Variants in SOS1 observed in about 807,000 individuals in gnomAD.
The protein encoded by SOS1 is son of sevenless homolog 1.
A neutral mutation model predicts 157.6 loss-of-function variants in SOS1; 25 were observed. The observed-to-expected ratio is 0.16, with a 90% CI of 0.12 to 0.22. SOS1 has a LOEUF of 0.22. Ranked by LOEUF, SOS1 falls within the 10% of genes least tolerant of loss-of-function variation. SOS1 has a pLI of 1.00. For missense variants in SOS1, 1,237 were observed against 1,599.1 expected, an observed-to-expected ratio of 0.77 and a Z score of 3.86; for synonymous variants, 528 against 534.0, an observed-to-expected ratio of 0.99 and a Z score of 0.16.
intron 6 of SOS1, among the ~76,000 whole-genome samples, chr2:39,045,377 C>G (rs934031214): frequency 6.6e-6 from 1 of 151,234 alleles, no homozygotes; most frequent in Non-Finnish European, 1.5e-5. Context: ...TGATGGAGAC[C>G]TGTTAAAATT....
Position 39,022,709 on chromosome 2 carries a change from A to C in SOS1, c.1719T>G (p.Asp573Glu). 8 of 1,613,724 alleles carry C rather than the reference A, an allele frequency of 5.0e-6. No homozygotes were observed. Among genetic ancestry groups the C allele is most frequent in the Non-Finnish European group, 6.8e-6 (8 of 1,179,706 alleles). ...AGTCAGGCTCTGCAAATCTATAAACATCAGCACTAGGCAGCCTCATCTGCT... is the reference window on the plus strand; with the variant it reads ...AGTCAGGCTCTGCAAATCTATAAACCTCAGCACTAGGCAGCCTCATCTGCT... ...KEEQMRLPSA[D>E]VYRFAEPDSE... Residue 573 changes from aspartate (D) to glutamate (E), a missense_variant, in exon 10 of 23, where the codon GAT (aspartate) becomes GAG (glutamate). Coordinates refer to ENST00000402219, the MANE Select transcript of SOS1 (RefSeq NM_005633.4).
rs781204774 is a variant in SOS1 at position 39,120,323 on chromosome 2, G to A, written c.87+13C>T. On this transcript the variant is annotated intron_variant, in intron 1 of 22. Coordinates refer to ENST00000402219, the MANE Select transcript of SOS1 (RefSeq NM_005633.4). ...GGCTGCGGCCGGGAAGCGGGGTCCC[G>A]CGTGCTCCTCACCTTTTTCAGCGCA... The A allele has an allele frequency of 6.4e-7, 1 of 1,568,112 alleles. No individual in the cohort carries two copies. The highest frequency in any genetic ancestry group is 8.6e-7 in the Non-Finnish European group (1 of 1,157,422).
At chr2:39,040,259 C>T (rs946559317) in intron 6 of SOS1, among the ~76,000 whole-genome samples, 8 of 152,000 alleles carry the variant, frequency 5.3e-5, no homozygotes, top group African/African-American at 1.9e-4. Context: ...CCTTGTGATC[C>T]GCCCGCCTTG....
In SOS1 at chr2:38,982,406, TGA is replaced by T. The variant is rs200892895; in HGVS notation, c.*3416_*3417del. On this transcript the variant is annotated 3_prime_UTR_variant, in exon 23 of 23. Transcript: ENST00000402219. The stretch of plus-strand genomic sequence containing the variant: ...GAGATGTTTCAAAGAAGAAAAATAT[TGA>T]ATAAAGTCATCATGTTCCCTTATAA... 2.1e-3 allele frequency: 327 copies of T among 152,312 alleles called. 1 individual carries two copies. The highest frequency in any genetic ancestry group is 7.5e-3 in the African/African-American group (312 of 41,566). 9.4% of individuals were successfully genotyped at this position (152,312 alleles called of 1,614,324 possible).
intron 19 of SOS1, 38 bp from the exon 20 acceptor site, chr2:38,995,425 C>T: frequency 6.4e-7 from 1 of 1,572,398 alleles, no homozygotes; most frequent in Non-Finnish European, 8.7e-7. Flanking sequence ...ACTTTAAACA[C>T]TGTAGTAGAA....
chr2:39,018,803 G>A (rs1669708515), intron 10 of SOS1, among the ~76,000 whole-genome samples: 1 of 151,550 alleles, frequency 6.6e-6, no homozygotes, highest in Non-Finnish European at 1.5e-5. Flanking sequence ...TCCCTTTAAT[G>A]CAGCCATTTA....
intron 6 of SOS1, among the ~76,000 whole-genome samples, chr2:39,048,014 A>G (rs2124590469): frequency 6.6e-6 from 1 of 152,268 alleles, no homozygotes; most frequent in South Asian, 2.1e-4. Flanking sequence ...TTGGCTATGC[A>G]TATTACAAAT....
At chr2:39,024,996 T>C (rs1258325033) in intron 8 of SOS1, among the ~76,000 whole-genome samples, 3 of 152,226 alleles carry the variant, frequency 2.0e-5, no homozygotes, top group Non-Finnish European at 4.4e-5. Flanking sequence ...CAGTAACTAA[T>C]TGTCAATACA....
chr2:39,077,412 A>C (rs1217318077), intron 1 of SOS1, among the ~76,000 whole-genome samples: 1 of 152,198 alleles, frequency 6.6e-6, no homozygotes, highest in African/African-American at 2.4e-5. Context: ...GTATTAAGGA[A>C]GTACCATAAT....
chr2:39,110,753 TATAAG>T lies in SOS1; in HGVS notation c.87+9578_87+9582del, dbSNP rs202074385. Among the ~76,000 whole-genome samples the T allele has an allele frequency of 4.5e-3, 682 of 152,296 alleles. 1 individual carries two copies. The highest frequency in any genetic ancestry group is 0.012 in the Admixed American group (189 of 15,300). Reference sequence around the variant, plus strand: ...AAAATATCGGCAAAGGGTTCTTAGATATAAGAGAGCAATAACCTTAAAAGAAAAAA... The same window carrying T: ...AAAATATCGGCAAAGGGTTCTTAGATAGAGCAATAACCTTAAAAGAAAAAA... On this transcript the variant is annotated intron_variant, in intron 1 of 22. Coordinates refer to ENST00000402219, the MANE Select transcript of SOS1 (RefSeq NM_005633.4).
At chr2:39,050,601 G>C (rs1158828392) in intron 6 of SOS1, among the ~76,000 whole-genome samples, 1 of 152,120 alleles carries the variant, frequency 6.6e-6, no homozygotes, top group Non-Finnish European at 1.5e-5. Context: ...TCCCAAATCT[G>C]AAATGCTCCA....
At chr2:39,092,678 T>A (rs1268106668) in intron 1 of SOS1, among the ~76,000 whole-genome samples, 1 of 152,184 alleles carries the variant, frequency 6.6e-6, no homozygotes, top group Admixed American at 6.5e-5. Context: ...GTTGAATGAA[T>A]AAATGAAATG....
At chr2:39,030,264 A>C (rs1453833671) in intron 8 of SOS1, among the ~76,000 whole-genome samples, 1 of 145,452 alleles carries the variant, frequency 6.9e-6, no homozygotes, top group Non-Finnish European at 1.5e-5. Context: ...AAAAAAAGCG[A>C]AAGAGGGGGA....
At chr2:38,996,464 C>T (rs547173734) in intron 19 of SOS1, among the ~76,000 whole-genome samples, 13 of 152,116 alleles carry the variant, frequency 8.5e-5, no homozygotes, top group Non-Finnish European at 1.8e-4. Context: ...ATAAATTTGG[C>T]TGGGCACTGA....
chr2:38,996,446 T>C (rs1286836840), intron 19 of SOS1, among the ~76,000 whole-genome samples: 1 of 152,146 alleles, frequency 6.6e-6, no homozygotes, highest in Non-Finnish European at 1.5e-5. Flanking sequence ...GAGTTGGTGA[T>C]TCTATTCATA....
At chr2:39,060,472 G>A (rs1671362792) in intron 2 of SOS1, among the ~76,000 whole-genome samples, 1 of 152,158 alleles carries the variant, frequency 6.6e-6, no homozygotes, top group African/African-American at 2.4e-5. Context: ...TGTTGCGCAG[G>A]CTGGAGTGCA....
intron 19 of SOS1, 118 bp from the exon 20 acceptor site, chr2:38,995,505 G>A (rs1179897734): frequency 5.3e-6 from 4 of 758,612 alleles, no homozygotes; most frequent in South Asian, 1.5e-5. Flanking sequence ...TCACTAATAA[G>A]GACATAATTA....
intron 14 of SOS1, among the ~76,000 whole-genome samples, chr2:39,011,088 G>C (rs969278474): frequency 6.6e-6 from 1 of 151,968 alleles, no homozygotes; most frequent in African/African-American, 2.4e-5. Flanking sequence ...GTAGAGACAA[G>C]GTTTCACCAT....
At chr2:39,000,402 T>A (rs373990323) in intron 17 of SOS1, among the ~76,000 whole-genome samples, 532 of 152,332 alleles carry the variant, frequency 3.5e-3, no homozygotes, top group Middle Eastern at 6.8e-3. Context: ...ACCTGAGAAT[T>A]ATATATTAGT....
Sources: allele counts gnomAD v4.1 joint callset (sites outside exome capture counted in the v4.1 genomes callset), GRCh38; gene constraint gnomAD v4.1.1; transcripts MANE v1.5; gene names NCBI Gene and HGNC (gene_info 2026-07-23, HGNC 2026-07-21).